YPEL2: variants seen among roughly 807,000 people sequenced by gnomAD.
YPEL2 encodes the protein yippee like 2.
In YPEL2, 2 loss-of-function variants were observed where a neutral mutation model predicts 19.1. That is an observed-to-expected ratio of 0.10 (90% CI 0.04 to 0.33). The LOEUF (loss-of-function observed/expected upper bound fraction) is 0.33. Among genes scored for constraint, YPEL2 ranks in the 10% least tolerant of loss-of-function variants. The pLI, the probability that YPEL2 is intolerant of heterozygous loss-of-function variation, is 1.00. For synonymous variants in YPEL2, 52 were observed against 50.0 expected, an observed-to-expected ratio of 1.04 and a Z score of -0.17; for missense variants, 66 against 140.7, an observed-to-expected ratio of 0.47 and a Z score of 2.68.
intron 2 of YPEL2, among the ~76,000 whole-genome samples, chr17:59,377,994 A>G (rs2047930517): frequency 6.6e-6 from 1 of 152,164 alleles, no homozygotes; most frequent in African/African-American, 2.4e-5. Flanking sequence ...TTGAATCGGC[A>G]ATATGTTCCT....
At chr17:59,368,326 A>T (rs935893268) in intron 2 of YPEL2, among the ~76,000 whole-genome samples, 1 of 152,214 alleles carries the variant, frequency 6.6e-6, no homozygotes, top group Non-Finnish European at 1.5e-5. Context: ...TCAAGTGATC[A>T]GCCCGCCTTG....
chr17:59,370,087 C>T (rs530048647), intron 2 of YPEL2, among the ~76,000 whole-genome samples: 25 of 152,292 alleles, frequency 1.6e-4, no homozygotes, highest in African/African-American at 4.8e-4. Flanking sequence ...GACGGAGTCT[C>T]GCTCTGTCGC....
intron 2 of YPEL2, among the ~76,000 whole-genome samples, chr17:59,382,356 C>T (rs2047953785): frequency 7.0e-6 from 1 of 142,424 alleles, no homozygotes; most frequent in Non-Finnish European, 1.5e-5. Flanking sequence ...TGGCATTTCT[C>T]TGCTCTGCCA....
intron 1 of YPEL2, among the ~76,000 whole-genome samples, chr17:59,339,754 T>G (rs1234391414): frequency 6.6e-6 from 1 of 152,166 alleles, no homozygotes; most frequent in Admixed American, 6.5e-5. Flanking sequence ...TTGGGCAAAT[T>G]GTTCCTTTTT....
chr17:59,370,854 CAA>C (rs59494537), intron 2 of YPEL2, among the ~76,000 whole-genome samples: 3,262 of 152,262 alleles, frequency 0.021, 101 homozygotes, highest in East Asian at 0.12. Context: ...AAGAGGAACT[CAA>C]GAGTCAGCAG....
At chr17:59,357,152 C>G (rs2047816935) in intron 2 of YPEL2, among the ~76,000 whole-genome samples, 1 of 152,132 alleles carries the variant, frequency 6.6e-6, no homozygotes, top group South Asian at 2.1e-4. Flanking sequence ...AAATTACAAA[C>G]CTTTATGTAA....
chr17:59,350,990 C>T (rs968743151), intron 1 of YPEL2, among the ~76,000 whole-genome samples: 5 of 152,132 alleles, frequency 3.3e-5, no homozygotes, highest in African/African-American at 1.2e-4. Context: ...GCTTGTTTTC[C>T]CCTGCCTGTC....
At chr17:59,375,721 A>G (rs1270458167) in intron 2 of YPEL2, among the ~76,000 whole-genome samples, 4 of 152,226 alleles carry the variant, frequency 2.6e-5, no homozygotes, top group African/African-American at 9.7e-5. Flanking sequence ...CTTGGACTGT[A>G]TGTTGTCTTT....
chr17:59,354,432 A>G (rs1259903645), intron 2 of YPEL2: 1 of 151,694 alleles, frequency 6.6e-6, no homozygotes, highest in African/African-American at 2.4e-5. Context: ...TTTGTTTTTA[A>G]ATGTGTTCCT....
At position 59,397,374 on chromosome 17, in the gene YPEL2, T is replaced by G. The variant is rs771935792; in HGVS notation, c.*184T>G. The G allele has an allele frequency of 6.7e-6, 3 of 449,780 alleles. No individual in the cohort carries two copies. The highest frequency in any genetic ancestry group is 1.2e-5 in the Non-Finnish European group (3 of 249,508). The allele number at this position is 449,780 out of a possible 1,614,324, so 27.9% of individuals were successfully genotyped here. On this transcript the variant is annotated 3_prime_UTR_variant, in exon 5 of 5. Transcript: ENST00000312655. ...CTCTAAATCGCTGTCTCTCTGTCTC[T>G]TTGCTTTGTATCTGTTTGTGAGTTG...
chr17:59,372,683 A>G (rs888045189), intron 2 of YPEL2, among the ~76,000 whole-genome samples: 1 of 152,200 alleles, frequency 6.6e-6, no homozygotes, highest in Non-Finnish European at 1.5e-5. Flanking sequence ...GGCACAATAG[A>G]CAATGCTCAC....
chr17:59,337,479 G>A (rs2047705704), intron 1 of YPEL2, among the ~76,000 whole-genome samples: 1 of 152,080 alleles, frequency 6.6e-6, no homozygotes. Flanking sequence ...GTGAGCCACC[G>A]CGCCCGGCCG....
In YPEL2 at chr17:59,353,402, C is replaced by A; in HGVS notation, c.-8C>A. 1 of 1,572,880 alleles carries A rather than the reference C, an allele frequency of 6.4e-7. No individual in the cohort carries two copies. The highest frequency in any genetic ancestry group is 8.6e-7 in the Non-Finnish European group (1 of 1,156,788). ...GCCCCAGAGTTCACCCCACACTCAG[C>A]AGCACCAATGGTGAAGATGACAAGA... is the stretch of plus-strand genomic sequence containing the variant. On this transcript the variant is annotated 5_prime_UTR_variant, in exon 2 of 5. Coordinates refer to ENST00000312655, the MANE Select transcript of YPEL2 (RefSeq NM_001005404.4). The surrounding 1 kb of genome is among the most constrained non-coding windows in gnomAD (Gnocchi z 4.8).
intron 1 of YPEL2, among the ~76,000 whole-genome samples, chr17:59,336,686 C>T (rs8065479): frequency 0.26 from 39,604 of 152,056 alleles, 5,402 homozygotes; most frequent in East Asian, 0.41. Context: ...ACAGCACTAA[C>T]ATTAATAGGT....
chr17:59,382,500 C>A (rs2047954686), intron 2 of YPEL2, among the ~76,000 whole-genome samples: 1 of 152,200 alleles, frequency 6.6e-6, no homozygotes, highest in Admixed American at 6.5e-5. Flanking sequence ...AAATGACATA[C>A]CCCTATCAGT....
At chr17:59,373,539 C>G (rs2047906689) in intron 2 of YPEL2, among the ~76,000 whole-genome samples, 1 of 152,182 alleles carries the variant, frequency 6.6e-6, no homozygotes, top group Admixed American at 6.5e-5. Flanking sequence ...GTCCCGTTTT[C>G]TAGGTGGCTA....
chr17:59,333,642 C>G (rs369454224), intron 1 of YPEL2, among the ~76,000 whole-genome samples: 214 of 152,212 alleles, frequency 1.4e-3, no homozygotes, highest in African/African-American at 4.5e-3. Flanking sequence ...AAAAAATCAA[C>G]TGCTGGTTAT....
At chr17:59,381,033 G>C in intron 2 of YPEL2, among the ~76,000 whole-genome samples, 1 of 152,220 alleles carries the variant, frequency 6.6e-6, no homozygotes, top group East Asian at 1.9e-4. Flanking sequence ...AAGGAGGAGA[G>C]GTAGGGACTT....
At chr17:59,387,882 G>GA (rs1240565433) in intron 2 of YPEL2, among the ~76,000 whole-genome samples, 3 of 152,230 alleles carry the variant, frequency 2.0e-5, no homozygotes, top group African/African-American at 7.2e-5. Flanking sequence ...GCCTTTGGTA[G>GA]AGCTGGACCA....
Sources: allele counts gnomAD v4.1 joint callset (sites outside exome capture counted in the v4.1 genomes callset), GRCh38; gene constraint gnomAD v4.1.1; non-coding constraint Gnocchi (gnomAD v3.1); transcripts MANE v1.5; gene names NCBI Gene and HGNC (gene_info 2026-07-23, HGNC 2026-07-21).